The following IQCJ variants were observed in gnomAD, a reference collection of about 807,000 sequenced individuals.
IQCJ encodes the protein IQ domain-containing protein J.
A neutral mutation model predicts 11.0 loss-of-function variants in IQCJ; 9 were observed. The observed-to-expected ratio is 0.82, with a 90% CI of 0.49 to 1.43. The LOEUF (loss-of-function observed/expected upper bound fraction) is 1.43, where lower values mean the gene tolerates loss of function less well. Among genes scored for constraint, IQCJ ranks in the 40% most tolerant of loss-of-function variants. The probability of loss-of-function intolerance (pLI) is 0.00; values close to 1 mark genes in which losing one functional copy is unlikely to be tolerated. For synonymous variants in IQCJ, 55 were observed against 51.3 expected (o/e 1.07, Z -0.31); for missense variants, 146 against 133.2 (o/e 1.10, Z -0.47).
At chr3:159,090,231 CG>C (rs938662994) in intron 1 of IQCJ, among the ~76,000 whole-genome samples, 1 of 151,354 alleles carries the variant, frequency 6.6e-6, no homozygotes, top group Admixed American at 6.6e-5. Flanking sequence ...TTAGGCTGCT[CG>C]GGGGGTCAGG....
chr3:159,263,721 T>C lies in IQCJ; in HGVS notation c.*990T>C. On this transcript the variant is annotated 3_prime_UTR_variant, in exon 4 of 4. Transcript: ENST00000397832. ...TTACTGTATTTGAAATGTTTTCAGA[T>C]GGTTGCATTGCATATTCTTCAATAA... The C allele has an allele frequency of 2.0e-6, 2 of 985,294 alleles. No individual in the cohort carries two copies. Among genetic ancestry groups the C allele is most frequent in the African/African-American group, 3.5e-5 (2 of 57,378 alleles). 61.0% of individuals were successfully genotyped at this position (985,294 alleles called of 1,614,324 possible).
At chr3:159,094,954 G>A (rs958346947) in intron 1 of IQCJ, among the ~76,000 whole-genome samples, 2 of 151,802 alleles carry the variant, frequency 1.3e-5, no homozygotes, top group Non-Finnish European at 2.9e-5. Context: ...TGCCTCATGA[G>A]AACATTCACC....
rs1553787480 is a variant in IQCJ at position 159,200,104 on chromosome 3, A to AATAAATATATATATATATATATAT, written c.10-45736_10-45735insAATATATATATATATATATATATA. Among the ~76,000 whole-genome samples the AATAAATATATATATATATATATAT allele has an allele frequency of 8.5e-4, 99 of 116,946 alleles. 3 individuals are homozygous for AATAAATATATATATATATATATAT. Among genetic ancestry groups the AATAAATATATATATATATATATAT allele is most frequent in the African/African-American group, 3.4e-3 (91 of 26,388 alleles). The allele number at this position is 116,946 out of a possible 152,430, so 76.7% of individuals were successfully genotyped here. A position where few individuals can be genotyped will look rare whatever the true frequency, so the allele number is the denominator to read the frequency against. On this transcript the variant is annotated intron_variant, in intron 1 of 3. Coordinates refer to ENST00000397832, the MANE Select transcript of IQCJ (RefSeq NM_001042706.3). ...ATATGTATGTATGTGTTTATACATAAATATATATATATATATCACTTTGAA... is the reference window on the plus strand; with the variant it reads ...ATATGTATGTATGTGTTTATACATAAATAAATATATATATATATATATATATATATATATATATATCACTTTGAA...
chr3:159,162,852 A>C (rs891768455), intron 1 of IQCJ, among the ~76,000 whole-genome samples: 37 of 152,250 alleles, frequency 2.4e-4, no homozygotes, highest in Admixed American at 2.1e-3. Context: ...TGACAAATAC[A>C]CCCTCCCAAG....
chr3:159,166,098 T>C lies in IQCJ; in HGVS notation c.10-79745T>C, dbSNP rs577727902. ...TCCAGCAGGTGGAAATCCTAACAGA[T>C]TCATGCAATGCAGGAAGGAGTTGCT... On this transcript the variant is annotated intron_variant, in intron 1 of 3. Transcript: ENST00000397832. 1.3e-4 allele frequency among the ~76,000 whole-genome samples: 20 copies of C among 152,160 alleles called. No individual in the cohort carries two copies. In the South Asian group the frequency reaches 4.2e-3, roughly 32 times the overall value.
intron 1 of IQCJ, among the ~76,000 whole-genome samples, chr3:159,126,261 T>C (rs73164358): frequency 0.33 from 49,728 of 151,802 alleles, 8,428 homozygotes; most frequent in Non-Finnish European, 0.39. Flanking sequence ...TCTTAGAGTC[T>C]CAGTTTGCTC....
At chr3:159,088,041 C>G (rs1052516071) in intron 1 of IQCJ, among the ~76,000 whole-genome samples, 19 of 151,956 alleles carry the variant, frequency 1.3e-4, no homozygotes, top group African/African-American at 4.4e-4. Context: ...TTCCTGCTTT[C>G]TCTTGTGGGC....
chr3:159,244,858 C>G (rs965515879), intron 1 of IQCJ, among the ~76,000 whole-genome samples: 2 of 152,106 alleles, frequency 1.3e-5, no homozygotes, highest in African/African-American at 4.8e-5. Flanking sequence ...ACTGCGCCTT[C>G]CCCTTGGGAC....
At chr3:159,122,695 AAAAG>A (rs1225796206) in intron 1 of IQCJ, among the ~76,000 whole-genome samples, 2 of 152,258 alleles carry the variant, frequency 1.3e-5, no homozygotes, top group Non-Finnish European at 2.9e-5. Flanking sequence ...AAGTGAAAAT[AAAAG>A]AGAAAAATCC....
At chr3:159,257,642 T>C (rs1354121490) in intron 3 of IQCJ, among the ~76,000 whole-genome samples, 1 of 152,176 alleles carries the variant, frequency 6.6e-6, no homozygotes, top group Non-Finnish European at 1.5e-5. Flanking sequence ...TGGCCCCGTA[T>C]TGACATTTGA....
intron 1 of IQCJ, among the ~76,000 whole-genome samples, chr3:159,113,377 T>G (rs1254750755): frequency 6.6e-6 from 1 of 152,200 alleles, no homozygotes; most frequent in Non-Finnish European, 1.5e-5. Context: ...CCGTTTTTCT[T>G]TTGCTCAGCG....
At chr3:159,231,639 C>T (rs1416704533) in intron 1 of IQCJ, among the ~76,000 whole-genome samples, 1 of 152,076 alleles carries the variant, frequency 6.6e-6, no homozygotes, top group Non-Finnish European at 1.5e-5. Context: ...ATGATGCTGG[C>T]CTCATAAAAT....
intron 1 of IQCJ, among the ~76,000 whole-genome samples, chr3:159,145,604 ACAT>A (rs1720884907): frequency 6.6e-6 from 1 of 150,766 alleles, no homozygotes; most frequent in Non-Finnish European, 1.5e-5. Context: ...ATATTTCTTG[ACAT>A]CATAGGAGAG....
intron 1 of IQCJ, among the ~76,000 whole-genome samples, chr3:159,113,866 C>T (rs1343121286): frequency 6.6e-6 from 1 of 151,684 alleles, no homozygotes; most frequent in Non-Finnish European, 1.5e-5. Flanking sequence ...GACCCCAAAA[C>T]ATTTCTTTTT....
At chr3:159,086,131 A>G (rs1175448200) in intron 1 of IQCJ, among the ~76,000 whole-genome samples, 2 of 152,196 alleles carry the variant, frequency 1.3e-5, no homozygotes, top group Non-Finnish European at 2.9e-5. Flanking sequence ...AGCTTTCTAC[A>G]TATGGCTAGC....
intron 1 of IQCJ, among the ~76,000 whole-genome samples, chr3:159,244,178 C>G (rs1007844434): frequency 6.6e-6 from 1 of 152,000 alleles, no homozygotes; most frequent in Admixed American, 6.6e-5. Context: ...ATATCATATT[C>G]GAGTAGAAGA....
chr3:159,135,908 G>A (rs781684894), intron 1 of IQCJ, among the ~76,000 whole-genome samples: 3 of 152,140 alleles, frequency 2.0e-5, no homozygotes, highest in East Asian at 1.9e-4. Context: ...AAACAAGTAC[G>A]CAGAACTTAA....
chr3:159,077,452 G>A (rs1266609316), intron 1 of IQCJ, among the ~76,000 whole-genome samples: 2 of 152,062 alleles, frequency 1.3e-5, no homozygotes, highest in African/African-American at 4.8e-5. Flanking sequence ...AAACAACTAA[G>A]TATTCAGCCA....
chr3:159,230,616 C>T (rs1726191309), intron 1 of IQCJ, among the ~76,000 whole-genome samples: 1 of 152,108 alleles, frequency 6.6e-6, no homozygotes, highest in Non-Finnish European at 1.5e-5. Context: ...AGGCATTAGA[C>T]ATAGATGGAT....
Sources: allele counts gnomAD v4.1 joint callset (sites outside exome capture counted in the v4.1 genomes callset), GRCh38; gene constraint gnomAD v4.1.1; transcripts MANE v1.5; gene names NCBI Gene and HGNC (gene_info 2026-07-23, HGNC 2026-07-21).